ACVR2A: variants seen among roughly 807,000 people sequenced by gnomAD.
ACVR2A encodes activin receptor type-2A.
Under a neutral mutation model 61.4 loss-of-function variants are expected in ACVR2A, and 7 were observed. The observed-to-expected ratio is 0.11, with a 90% CI of 0.06 to 0.21. The LOEUF (loss-of-function observed/expected upper bound fraction) is 0.21. Ranked by LOEUF, ACVR2A falls within the 10% of genes least tolerant of loss-of-function variation. The pLI, the probability that ACVR2A is intolerant of heterozygous loss-of-function variation, is 1.00. For synonymous variants in ACVR2A, 193 were observed against 208.3 expected, an observed-to-expected ratio of 0.93 and a Z score of 0.63; for missense variants, 322 against 621.7, an observed-to-expected ratio of 0.52 and a Z score of 5.13.
At chr2:147,903,571 G>A (rs1386507923) in intron 4 of ACVR2A, among the ~76,000 whole-genome samples, 1 of 151,884 alleles carries the variant, frequency 6.6e-6, no homozygotes, top group African/African-American at 2.4e-5. Context: ...GGCTCTCAGT[G>A]AGCCACAGCA....
At chr2:147,877,341 TGGG>T (rs1439229526) in intron 1 of ACVR2A, 1 of 152,148 alleles carries the variant, frequency 6.6e-6, no homozygotes, top group Non-Finnish European at 1.5e-5. Flanking sequence ...AGGAAAGAAA[TGGG>T]GGAATGACAT....
intron 8 of ACVR2A, 63 bp from the exon 9 acceptor site, chr2:147,922,910 A>C: frequency 6.4e-7 from 1 of 1,554,360 alleles, no homozygotes; most frequent in South Asian, 1.2e-5. Flanking sequence ...TCATCTTACA[A>C]AATCATATGT....
At chr2:147,898,049 CT>C (rs1475914715) in intron 2 of ACVR2A, among the ~76,000 whole-genome samples, 2 of 152,112 alleles carry the variant, frequency 1.3e-5, no homozygotes, top group Admixed American at 6.6e-5. Context: ...AATACTCCAG[CT>C]ATGTGAGACT....
chr2:147,916,202 A>G (rs1402537271), intron 5 of ACVR2A, among the ~76,000 whole-genome samples: 1 of 151,796 alleles, frequency 6.6e-6, no homozygotes, highest in Non-Finnish European at 1.5e-5. Flanking sequence ...GAACTGTATT[A>G]CATTTTTTTT....
intron 1 of ACVR2A, among the ~76,000 whole-genome samples, chr2:147,861,618 T>G (rs990950720): frequency 6.6e-6 from 1 of 152,160 alleles, no homozygotes; most frequent in Non-Finnish European, 1.5e-5. Context: ...GATTTCAGAT[T>G]TTCAGATTTG....
At chr2:147,847,208 T>G (rs1685333453) in intron 1 of ACVR2A, among the ~76,000 whole-genome samples, 2 of 152,150 alleles carry the variant, frequency 1.3e-5, no homozygotes, top group Non-Finnish European at 2.9e-5. Context: ...ATAGGCTTTT[T>G]AAGATGAACA....
In ACVR2A at chr2:147,845,145, T is replaced by G. The variant is rs780048108; in HGVS notation, c.-8T>G. ...AACTTCCTCCGGATTCCCCGGCGCC[T>G]CGGGAAAATGGGAGCTGCTGCAAAG... On this transcript the variant is annotated 5_prime_UTR_variant, in exon 1 of 11. Transcript: ENST00000241416. 1.4e-5 allele frequency: 22 copies of G among 1,612,816 alleles called. No individual in the cohort carries two copies. The highest frequency in any genetic ancestry group is 1.8e-5 in the Non-Finnish European group (21 of 1,179,614).
In ACVR2A at chr2:147,929,117, CTG is replaced by C. The variant is rs905919565; in HGVS notation, c.*1848_*1849del. On this transcript the variant is annotated 3_prime_UTR_variant, in exon 11 of 11. Transcript: ENST00000241416. ...GGGAGGAAAAGAAGAGTAATAGCGT[CTG>C]TGTGCTGCAGACCATTCAGAACTGT... is the stretch of plus-strand genomic sequence containing the variant. The C allele has an allele frequency of 2.6e-5, 4 of 152,368 alleles. No homozygotes were observed. Among genetic ancestry groups the C allele is most frequent in the African/African-American group, 9.7e-5 (4 of 41,432 alleles). 9.4% of individuals were successfully genotyped at this position (152,368 alleles called of 1,614,324 possible). A position where few individuals can be genotyped will look rare whatever the true frequency, so the allele number is the denominator to read the frequency against.
At chr2:147,853,217 T>TG (rs552447372) in intron 1 of ACVR2A, among the ~76,000 whole-genome samples, 6 of 152,242 alleles carry the variant, frequency 3.9e-5, no homozygotes, top group Middle Eastern at 3.4e-3. Flanking sequence ...GACATGTATT[T>TG]GGAAAAATAA....
intron 1 of ACVR2A, among the ~76,000 whole-genome samples, chr2:147,865,884 T>G (rs2113793): frequency 0.32 from 48,668 of 151,768 alleles, 8,037 homozygotes; most frequent in East Asian, 0.51. Flanking sequence ...GCTTTTGGAG[T>G]GGGGTCAGGT....
At chr2:147,845,354 C>A (rs1470509608) in intron 1 of ACVR2A, 147 bp downstream of exon 1, 4 of 529,154 alleles carry the variant, frequency 7.6e-6, no homozygotes, top group African/African-American at 7.3e-5. Flanking sequence ...CACCGCCCCC[C>A]CCCCCCGCCC....
intron 1 of ACVR2A, among the ~76,000 whole-genome samples, chr2:147,881,188 A>C (rs780629728): frequency 6.6e-6 from 1 of 152,178 alleles, no homozygotes; most frequent in African/African-American, 2.4e-5. Context: ...CAGTTGAATG[A>C]TAAATCCGAA....
chr2:147,900,377 C>T (rs1018346541), intron 4 of ACVR2A: 1 of 152,608 alleles, frequency 6.6e-6, no homozygotes, highest in Non-Finnish European at 1.5e-5. Context: ...AGGAAGATAC[C>T]TCCATAAAGA....
intron 1 of ACVR2A, among the ~76,000 whole-genome samples, chr2:147,872,544 G>A (rs572329640): frequency 1.0e-4 from 15 of 149,728 alleles, no homozygotes; most frequent in East Asian, 1.9e-4. Flanking sequence ...CGAAGTGTTG[G>A]CTTGATCTCT....
intron 1 of ACVR2A, among the ~76,000 whole-genome samples, chr2:147,868,113 G>C (rs1053650392): frequency 6.6e-6 from 1 of 152,136 alleles, no homozygotes; most frequent in Non-Finnish European, 1.5e-5. Flanking sequence ...TATTCTCCGT[G>C]AGTGGCTCAA....
intron 1 of ACVR2A, among the ~76,000 whole-genome samples, chr2:147,855,324 G>A (rs1247370663): frequency 6.6e-6 from 1 of 152,224 alleles, no homozygotes; most frequent in African/African-American, 2.4e-5. Flanking sequence ...GCTGCCTGAA[G>A]CAATGAATGC....
At chr2:147,875,376 A>G (rs1215465972) in intron 1 of ACVR2A, among the ~76,000 whole-genome samples, 2 of 152,050 alleles carry the variant, frequency 1.3e-5, no homozygotes, top group African/African-American at 4.8e-5. Flanking sequence ...AGAGAGATGT[A>G]TATGCTCTCT....
chr2:147,871,480 A>G lies in ACVR2A; in HGVS notation c.56-24821A>G, dbSNP rs147965073. ...TTATTCAAATAAGAAAATTTGCAGA[A>G]TATCTAGCCTAGATGTCTCTGCATT... On this transcript the variant is annotated intron_variant, in intron 1 of 10. Coordinates refer to ENST00000241416, the MANE Select transcript of ACVR2A (RefSeq NM_001616.5). Among the ~76,000 whole-genome samples, 1,127 of 152,256 alleles carry G rather than the reference A, an allele frequency of 7.4e-3. 14 individuals carry two copies. The highest frequency in any genetic ancestry group is 0.026 in the African/African-American group (1,067 of 41,570).
At position 147,927,270 on chromosome 2, in the gene ACVR2A, T is replaced by C; in HGVS notation, c.1538T>C (p.Leu513Pro). 6.2e-7 allele frequency: 1 copy of C among 1,610,110 alleles called. No individual in the cohort carries two copies. Among genetic ancestry groups the C allele is most frequent in the African/African-American group, 1.3e-5 (1 of 74,676 alleles). ...NVDFPPKESSL is the reference protein window; with the variant it reads ...NVDFPPKESSP The stretch of plus-strand genomic sequence containing the variant: ...GACTTTCCTCCCAAAGAATCTAGTC[T>C]ATGATGGTTGCGCCATCTGTGCACA... Residue 513 changes from leucine to proline, a missense_variant, in exon 11 of 11, where the codon CTA (leucine) becomes CCA (proline). By Grantham distance (98) the Leu-to-Pro change is moderately conservative. Around this residue, in one of 3 missense-constraint regions of ACVR2A, gnomAD observed 34 missense variants for 37.6 expected, o/e 0.91. Coordinates refer to ENST00000241416, the MANE Select transcript of ACVR2A (RefSeq NM_001616.5).
Sources: gnomAD v4.1 joint callset for allele counts (sites outside exome capture counted in the v4.1 genomes callset) on GRCh38, gnomAD v4.1.1 for gene constraint, gnomAD v4.1.1 regional missense constraint, MANE v1.5 for transcripts, NCBI Gene and HGNC (gene_info 2026-07-23, HGNC 2026-07-21) for gene names.